CADM2: variants seen among roughly 807,000 people sequenced by gnomAD.
CADM2 encodes immunoglobulin superfamily member 4D.
A neutral mutation model predicts 49.8 loss-of-function variants in CADM2; 12 were observed. That is an observed-to-expected ratio of 0.24 (90% CI 0.15 to 0.39). CADM2 has a LOEUF of 0.39. CADM2 is among the 10% of genes least tolerant of loss of function. CADM2 has a pLI of 1.00. For missense variants in CADM2, 378 were observed against 492.3 expected (o/e 0.77, Z 2.20); for synonymous variants, 214 against 175.4 (o/e 1.22, Z -1.74).
chr3:85,308,310 TACAC>T lies in CADM2; in HGVS notation c.61+348670_61+348673del, dbSNP rs10662960. Among the ~76,000 whole-genome samples the T allele has an allele frequency of 3.7e-3, 528 of 143,556 alleles. 10 individuals carry two copies. The East Asian group carries it at 0.065, about 18-fold the overall frequency. 94.2% of individuals were successfully genotyped at this position (143,556 alleles called of 152,430 possible). On this transcript the variant is annotated intron_variant, in intron 1 of 9. Coordinates refer to ENST00000383699, the MANE Select transcript of CADM2 (RefSeq NM_001167675.2). ...ATATCTATATCTATATCTACCTCTCTACACACACACACACACACACACACACACA... is the reference window on the plus strand; with the variant it reads ...ATATCTATATCTATATCTACCTCTCTACACACACACACACACACACACACA...
At position 85,856,561 on chromosome 3, in the gene CADM2, T is replaced by C. The variant is rs563961779; in HGVS notation, c.239-26730T>C. On this transcript the variant is annotated intron_variant, in intron 3 of 9. Coordinates refer to ENST00000383699, the MANE Select transcript of CADM2 (RefSeq NM_001167675.2). The stretch of plus-strand genomic sequence containing the variant: ...ATTTTCTTTTCTTTGTGTTCTATAC[T>C]GTTAAATTACTATCAGAAATATGGT... 5.9e-5 allele frequency among the ~76,000 whole-genome samples: 9 copies of C among 152,354 alleles called. No homozygotes were observed. In the South Asian group the frequency reaches 1.9e-3, roughly 32 times the overall value.
intron 8 of CADM2, among the ~76,000 whole-genome samples, chr3:86,023,423 C>T (rs574437645): frequency 3.3e-5 from 5 of 151,938 alleles, no homozygotes; most frequent in Non-Finnish European, 5.9e-5. Flanking sequence ...GCTCTTGTTG[C>T]CCATGGCTCA....
At position 84,984,133 on chromosome 3, in the gene CADM2, T is replaced by C. The variant is rs188457495; in HGVS notation, c.61+24465T>C. Among the ~76,000 whole-genome samples, 4 of 151,304 alleles carry C rather than the reference T, an allele frequency of 2.6e-5. No individual in the cohort carries two copies. In the South Asian group the frequency reaches 6.3e-4, roughly 24 times the overall value. Reference sequence around the variant, plus strand: ...AGAGAGTTAGTGCTAATTAATAAACTAAATCTAGATATCTACGCCTGAGCT... The same window carrying C: ...AGAGAGTTAGTGCTAATTAATAAACCAAATCTAGATATCTACGCCTGAGCT... On this transcript the variant is annotated intron_variant, in intron 1 of 9. Coordinates refer to ENST00000383699, the MANE Select transcript of CADM2 (RefSeq NM_001167675.2).
At chr3:85,779,895 G>A (rs2070547662) in intron 2 of CADM2, among the ~76,000 whole-genome samples, 3 of 152,120 alleles carry the variant, frequency 2.0e-5, no homozygotes, top group Admixed American at 2.0e-4. Context: ...AAATACGAAA[G>A]GAGCTAGGTA....
At chr3:85,155,744 C>G (rs2040089323) in intron 1 of CADM2, among the ~76,000 whole-genome samples, 1 of 152,184 alleles carries the variant, frequency 6.6e-6, no homozygotes, top group Non-Finnish European at 1.5e-5. Context: ...AACTATCTCT[C>G]AGACCACAGT....
At chr3:86,049,964 T>C (rs890873994) in intron 8 of CADM2, among the ~76,000 whole-genome samples, 1 of 152,166 alleles carries the variant, frequency 6.6e-6, no homozygotes, top group East Asian at 1.9e-4. Flanking sequence ...CCCTCTCACA[T>C]TGCAAAATAC....
intron 1 of CADM2, among the ~76,000 whole-genome samples, chr3:85,002,413 T>C (rs1420372167): frequency 6.6e-6 from 1 of 152,090 alleles, no homozygotes; most frequent in African/African-American, 2.4e-5. Context: ...TTAAAGTCAG[T>C]GTTATGAAGA....
rs1024839779 is a variant in CADM2, at chr3:85,311,476, T to C, written c.61+351808T>C. ...CTGCAAGCTCCGCCTCCCGGGTTCATGCCATTCTCTTGCCCCAGCCTCCCG... is the reference window on the plus strand; with the variant it reads ...CTGCAAGCTCCGCCTCCCGGGTTCACGCCATTCTCTTGCCCCAGCCTCCCG... On this transcript the variant is annotated intron_variant, in intron 1 of 9. Transcript: ENST00000383699. Among the ~76,000 whole-genome samples the C allele has an allele frequency of 9.2e-5, 14 of 151,778 alleles. No homozygotes were observed. The East Asian group carries it at 1.9e-3, about 21-fold the overall frequency.
chr3:85,523,657 G>A (rs2061083455), intron 1 of CADM2, among the ~76,000 whole-genome samples: 1 of 151,938 alleles, frequency 6.6e-6, no homozygotes, highest in African/African-American at 2.4e-5. Context: ...ATCAATAGTA[G>A]TGAGTCTCAT....
intron 8 of CADM2, among the ~76,000 whole-genome samples, chr3:86,057,126 T>A (rs538231151): frequency 2.0e-4 from 30 of 152,326 alleles, no homozygotes; most frequent in African/African-American, 6.0e-4. Flanking sequence ...AAACAGTAAT[T>A]GTACATAAAA....
chr3:85,697,254 A>G (rs552297557), intron 1 of CADM2, among the ~76,000 whole-genome samples: 1 of 152,038 alleles, frequency 6.6e-6, no homozygotes, highest in Admixed American at 6.5e-5. Flanking sequence ...AGGAAGTGTC[A>G]TGAATCCACA....
rs1401279036 is a variant in CADM2, at chr3:85,840,429, G to A, written c.238+38233G>A. Among the ~76,000 whole-genome samples, 4 of 151,690 alleles carry A rather than the reference G, an allele frequency of 2.6e-5. No homozygotes were observed. The East Asian group carries it at 7.8e-4, about 29-fold the overall frequency. On this transcript the variant is annotated intron_variant, in intron 3 of 9. Transcript: ENST00000383699. The stretch of plus-strand genomic sequence containing the variant: ...GTGGTAACATGTAGCCTTTTTATTT[G>A]CATCAAGAATATTCTCATGTACTCA...
chr3:85,006,829 TTTTAA>T (rs1386561325), intron 1 of CADM2, among the ~76,000 whole-genome samples: 2 of 152,152 alleles, frequency 1.3e-5, no homozygotes, highest in African/African-American at 2.4e-5. Flanking sequence ...CATGCCTCTG[TTTTAA>T]TTTGTCTACT....
At chr3:85,844,115 A>G (rs2074768560) in intron 3 of CADM2, among the ~76,000 whole-genome samples, 1 of 152,086 alleles carries the variant, frequency 6.6e-6, no homozygotes, top group Non-Finnish European at 1.5e-5. Context: ...AATAATTTTA[A>G]TAATATCTTC....
chr3:85,510,009 TAAAC>T (rs1189785077), intron 1 of CADM2, among the ~76,000 whole-genome samples: 1 of 151,614 alleles, frequency 6.6e-6, no homozygotes, highest in Non-Finnish European at 1.5e-5. Context: ...CTACAAGTAA[TAAAC>T]AAAAAAATAA....
chr3:85,279,759 TTAATGGGTTC>T (rs1271511342), intron 1 of CADM2, among the ~76,000 whole-genome samples: 1 of 151,564 alleles, frequency 6.6e-6, no homozygotes, highest in African/African-American at 2.4e-5. Context: ...ACCAATAATG[TTAATGGGTTC>T]TAATTTCTCT....
At chr3:85,589,494 G>C (rs1462721022) in intron 1 of CADM2, among the ~76,000 whole-genome samples, 1 of 151,958 alleles carries the variant, frequency 6.6e-6, no homozygotes, top group African/African-American at 2.4e-5. Flanking sequence ...GAATTGTTCT[G>C]TCATAGGTAC....
At chr3:86,027,496 A>T (rs1734038353) in intron 8 of CADM2, among the ~76,000 whole-genome samples, 1 of 152,136 alleles carries the variant, frequency 6.6e-6, no homozygotes, top group Non-Finnish European at 1.5e-5. Context: ...TCTTAATTAG[A>T]TCAGCATTGT....
intron 3 of CADM2, among the ~76,000 whole-genome samples, chr3:85,825,072 T>C (rs2073826720): frequency 6.6e-6 from 1 of 151,880 alleles, no homozygotes. Flanking sequence ...GAAAAGTAAT[T>C]TATATTGAAA....
Sources: allele counts gnomAD v4.1 joint callset (sites outside exome capture counted in the v4.1 genomes callset), GRCh38; gene constraint gnomAD v4.1.1; transcripts MANE v1.5; gene names NCBI Gene and HGNC (gene_info 2026-07-23, HGNC 2026-07-21).